The following SIPA1L2 variants were observed in gnomAD, a reference collection of about 807,000 sequenced individuals.
The protein encoded by SIPA1L2 is signal induced proliferation associated 1 like 2, also known as signal-induced proliferation-associated 1-like protein 2.
SIPA1L2 carries 56 observed loss-of-function variants against 163.9 expected under a neutral mutation model. The observed-to-expected ratio is 0.34, with a 90% CI of 0.28 to 0.43. The LOEUF is 0.43. Among genes scored for constraint, SIPA1L2 ranks in the 20% least tolerant of loss-of-function variants. SIPA1L2 has a pLI of 1.00. For synonymous variants in SIPA1L2, 877 were observed against 865.7 expected (o/e 1.01, Z -0.23); for missense variants, 1,974 against 2,193.5 (o/e 0.90, Z 2.00).
chr1:232,597,522 C>G (rs1354796656), intron 1 of SIPA1L2, among the ~76,000 whole-genome samples: 1 of 141,844 alleles, frequency 7.1e-6, no homozygotes. Context: ...CTAAAAAATA[C>G]CAAAAAAAAA....
At chr1:232,557,219 A>T (rs1194834120) in intron 2 of SIPA1L2, among the ~76,000 whole-genome samples, 3 of 152,130 alleles carry the variant, frequency 2.0e-5, no homozygotes, top group Non-Finnish European at 2.9e-5. Flanking sequence ...GGAAGATATA[A>T]CATACAGTGA....
At chr1:232,575,808 T>C (rs930238521) in intron 1 of SIPA1L2, among the ~76,000 whole-genome samples, 1 of 151,896 alleles carries the variant, frequency 6.6e-6, no homozygotes, top group East Asian at 1.9e-4. Flanking sequence ...AAACAACATA[T>C]GGGAAATACG....
intron 2 of SIPA1L2, among the ~76,000 whole-genome samples, chr1:232,566,655 A>T (rs1659423239): frequency 6.6e-6 from 1 of 152,216 alleles, no homozygotes; most frequent in African/African-American, 2.4e-5. Flanking sequence ...CACATTTCAC[A>T]CTTCTTTCAG....
chr1:232,543,233 A>G (rs1214109533), intron 2 of SIPA1L2, among the ~76,000 whole-genome samples: 1 of 152,226 alleles, frequency 6.6e-6, no homozygotes, highest in Non-Finnish European at 1.5e-5. Flanking sequence ...CTAGTAATCG[A>G]AATGTATCAT....
At chr1:232,562,081 A>T (rs1327138496) in intron 2 of SIPA1L2, among the ~76,000 whole-genome samples, 1 of 152,320 alleles carries the variant, frequency 6.6e-6, no homozygotes, top group Middle Eastern at 3.4e-3. Context: ...GGAGTTTTGG[A>T]GGGCAGAGGA....
At chr1:232,432,193 G>C in intron 16 of SIPA1L2, 54 bp downstream of exon 16, 1 of 1,432,370 alleles carries the variant, frequency 7.0e-7, no homozygotes, top group Non-Finnish European at 9.7e-7. Flanking sequence ...CATTTGCTTA[G>C]TCAATCCCTA....
chr1:232,502,103 T>A (rs1666510204), intron 3 of SIPA1L2, among the ~76,000 whole-genome samples: 3 of 152,216 alleles, frequency 2.0e-5, no homozygotes, highest in African/African-American at 7.2e-5. Flanking sequence ...AAAGCTTACT[T>A]ACTGGTTGCC....
At chr1:232,459,638 G>C (rs1006781153) in intron 10 of SIPA1L2, among the ~76,000 whole-genome samples, 6 of 151,936 alleles carry the variant, frequency 3.9e-5, no homozygotes, top group African/African-American at 7.3e-5. Context: ...TTCCCCTTCT[G>C]AGTAGCTGGG....
chr1:232,513,490 G>T (rs1448372162), intron 3 of SIPA1L2, among the ~76,000 whole-genome samples: 1 of 152,152 alleles, frequency 6.6e-6, no homozygotes, highest in Non-Finnish European at 1.5e-5. Flanking sequence ...CAGCATAAGA[G>T]ATTATTCAGA....
At chr1:232,559,327 T>C (rs149922582) in intron 2 of SIPA1L2, among the ~76,000 whole-genome samples, 247 of 152,268 alleles carry the variant, frequency 1.6e-3, no homozygotes, top group African/African-American at 5.5e-3. Flanking sequence ...TATGAACAAA[T>C]AGTAACATAA....
intron 1 of SIPA1L2, among the ~76,000 whole-genome samples, chr1:232,589,040 G>A (rs1339417478): frequency 6.6e-6 from 1 of 152,086 alleles, no homozygotes; most frequent in East Asian, 1.9e-4. Context: ...AAAAAGGCAT[G>A]AGACTAAAAT....
rs748986967 is a variant in SIPA1L2 at position 232,483,836 on chromosome 1, C to T, written c.1937G>A (p.Arg646Gln). ...TCGATATTTACTAAATCCTTTCAGT[C>T]GGACTCTCTGGCCCAGAAGATCAAG... Reference protein sequence around the residue: ...EFLDLLGQRVRLKGFSKYRAQ... With the variant: ...EFLDLLGQRVQLKGFSKYRAQ... The change falls in exon 6 of 23, where the codon CGA (arginine) becomes CAA (glutamine). Residue 646 changes from arginine (R) to glutamine (Q), a missense_variant. Coordinates refer to ENST00000674635, the MANE Select transcript of SIPA1L2 (RefSeq NM_020808.5). 1.1e-5 allele frequency: 18 copies of T among 1,613,992 alleles called. No individual in the cohort carries two copies. Among genetic ancestry groups the T allele is most frequent in the Middle Eastern group, 1.7e-4 (1 of 6,060 alleles).
In SIPA1L2 at chr1:232,582,054, C is replaced by T. The variant is rs527695072; in HGVS notation, c.-318-7832G>A. 2.0e-5 allele frequency among the ~76,000 whole-genome samples: 3 copies of T among 152,314 alleles called. No individual in the cohort carries two copies. In the South Asian group the frequency reaches 6.2e-4, roughly 32 times the overall value. ...ACTGTGAATTCTTAATGGGCAGAAG[C>T]CTTATGCATAATAATAAATGGTTGG... is the stretch of plus-strand genomic sequence containing the variant. On this transcript the variant is annotated intron_variant, in intron 1 of 22. Transcript: ENST00000674635.
chr1:232,519,202 T>C (rs187074348), intron 2 of SIPA1L2, among the ~76,000 whole-genome samples: 15 of 152,326 alleles, frequency 9.8e-5, no homozygotes, highest in African/African-American at 3.4e-4. Context: ...TGTCTTCTAA[T>C]TGTATACAAA....
chr1:232,459,269 A>G (rs6661748), intron 10 of SIPA1L2, among the ~76,000 whole-genome samples: 28,482 of 152,172 alleles, frequency 0.19, 2,833 homozygotes, highest in Non-Finnish European at 0.21. Flanking sequence ...GTTGCACTAC[A>G]GTTCATGTAC....
At chr1:232,560,644 C>T (rs529549355) in intron 2 of SIPA1L2, among the ~76,000 whole-genome samples, 1 of 152,318 alleles carries the variant, frequency 6.6e-6, no homozygotes, top group African/African-American at 2.4e-5. Flanking sequence ...GGCCCAGAGG[C>T]CTCAGCCTTC....
intron 20 of SIPA1L2, 64 bp downstream of exon 20, chr1:232,404,061 C>A: frequency 6.3e-7 from 1 of 1,575,440 alleles, no homozygotes; most frequent in Non-Finnish European, 8.7e-7. Flanking sequence ...GACGTGCAGA[C>A]ACATGAAATA....
At chr1:232,453,695 G>A (rs76139782) in intron 10 of SIPA1L2, among the ~76,000 whole-genome samples, 15,424 of 151,346 alleles carry the variant, frequency 0.1, 908 homozygotes, top group Non-Finnish European at 0.13. Context: ...GGTTCACAAT[G>A]GAACTCAGGT....
intron 1 of SIPA1L2, among the ~76,000 whole-genome samples, chr1:232,611,587 G>A (rs1662238915): frequency 6.6e-6 from 1 of 152,120 alleles, no homozygotes; most frequent in Non-Finnish European, 1.5e-5. Context: ...AGAGACTAGT[G>A]GCATTTTACC....
Sources: gnomAD v4.1 joint callset for allele counts (sites outside exome capture counted in the v4.1 genomes callset) on GRCh38, gnomAD v4.1.1 for gene constraint, MANE v1.5 for transcripts, NCBI Gene and HGNC (gene_info 2026-07-23, HGNC 2026-07-21) for gene names.